Variants in GRIK2 observed in about 807,000 individuals in gnomAD.
GRIK2 encodes glutamate ionotropic receptor kainate type subunit 2, also known as glutamate receptor ionotropic, kainate 2.
In GRIK2, 32 loss-of-function variants were observed where a neutral mutation model predicts 100.3. The ratio of observed to expected loss-of-function variants is 0.32; its 90% CI spans 0.24 to 0.43. The LOEUF (loss-of-function observed/expected upper bound fraction) is 0.43, where lower values mean the gene tolerates loss of function less well. GRIK2 is among the 20% of genes least tolerant of loss of function. GRIK2 has a pLI of 1.00. For synonymous variants in GRIK2, 417 were observed against 389.4 expected (o/e 1.07, Z -0.83); for missense variants, 843 against 1,114.9 (o/e 0.76, Z 3.47).
At chr6:101,990,362 C>G (rs1479359618) in intron 14 of GRIK2, among the ~76,000 whole-genome samples, 1 of 151,572 alleles carries the variant, frequency 6.6e-6, no homozygotes, top group African/African-American at 2.4e-5. Context: ...ATTTAAAATG[C>G]CAGACCCAGT....
At chr6:101,499,389 T>C (rs1364221259) in intron 2 of GRIK2, among the ~76,000 whole-genome samples, 1 of 152,128 alleles carries the variant, frequency 6.6e-6, no homozygotes, top group Non-Finnish European at 1.5e-5. Context: ...GATATGTTAG[T>C]ACATTTTATA....
Position 101,742,955 on chromosome 6 carries a change from CAG to C in GRIK2, c.951+56603_951+56604del, listed in dbSNP as rs965517981. The stretch of plus-strand genomic sequence containing the variant: ...GGACGAAGTCCATTCACATGGTTGA[CAG>C]GGGGAGATTAGAATTTTATTTTTGG... On this transcript the variant is annotated intron_variant, in intron 7 of 16. Transcript: ENST00000369134. 3.7e-4 allele frequency among the ~76,000 whole-genome samples: 56 copies of C among 152,234 alleles called. 2 individuals carry two copies. The Middle Eastern group carries it at 0.037, about 102-fold the overall frequency.
chr6:101,948,314 CT>C (rs1009665289), intron 14 of GRIK2, among the ~76,000 whole-genome samples: 159 of 143,850 alleles, frequency 1.1e-3, no homozygotes, highest in Middle Eastern at 3.8e-3. Flanking sequence ...TTAGAACTGT[CT>C]TTTTTTTTTT....
In GRIK2 at chr6:101,799,249, A is replaced by G. The variant is rs139846820; in HGVS notation, c.952-399A>G. On this transcript the variant is annotated intron_variant, in intron 7 of 16. Coordinates refer to ENST00000369134, the MANE Select transcript of GRIK2 (RefSeq NM_021956.5). ...TTATATAGAATATGTAATTTATGTG[A>G]CCATTAAAAATGTTAGCAATGTACT... 7.7e-3 allele frequency among the ~76,000 whole-genome samples: 1,169 copies of G among 151,400 alleles called. 7 individuals are homozygous for G. The highest frequency in any genetic ancestry group is 9.8e-3 in the Non-Finnish European group (665 of 67,880).
At chr6:101,476,552 T>C (rs950149584) in intron 2 of GRIK2, among the ~76,000 whole-genome samples, 9 of 152,162 alleles carry the variant, frequency 5.9e-5, no homozygotes, top group African/African-American at 1.9e-4. Context: ...TTCCCATTTA[T>C]AAAATGTGAA....
At chr6:101,462,567 T>C (rs1356914078) in intron 2 of GRIK2, among the ~76,000 whole-genome samples, 6 of 152,156 alleles carry the variant, frequency 3.9e-5, no homozygotes, top group African/African-American at 1.4e-4. Context: ...TACAAGGACA[T>C]CTTAAAAATT....
chr6:101,524,376 A>G (rs570542998), intron 2 of GRIK2, among the ~76,000 whole-genome samples: 1 of 131,244 alleles, frequency 7.6e-6, no homozygotes, highest in Non-Finnish European at 1.5e-5. Context: ...AATATAGTCA[A>G]TGCCCCATTT....
chr6:101,402,199 G>C (rs1775348863), intron 2 of GRIK2, among the ~76,000 whole-genome samples: 1 of 151,932 alleles, frequency 6.6e-6, no homozygotes, highest in Non-Finnish European at 1.5e-5. Flanking sequence ...CCTCTTCCCC[G>C]CGCTTCCCTC....
chr6:101,858,513 A>T (rs1784557034), intron 10 of GRIK2, among the ~76,000 whole-genome samples: 1 of 150,250 alleles, frequency 6.7e-6, no homozygotes, highest in South Asian at 2.1e-4. Context: ...CAGCCTCCTG[A>T]ATAGCTGGGA....
chr6:101,491,300 A>T (rs1773097472), intron 2 of GRIK2, among the ~76,000 whole-genome samples: 1 of 151,482 alleles, frequency 6.6e-6, no homozygotes, highest in Admixed American at 6.6e-5. Flanking sequence ...CCAACCAAAC[A>T]AACAAAAGAA....
At chr6:101,668,101 A>T (rs1770164464) in intron 4 of GRIK2, among the ~76,000 whole-genome samples, 1 of 152,214 alleles carries the variant, frequency 6.6e-6, no homozygotes, top group South Asian at 2.1e-4. Context: ...TAGCATTCAG[A>T]CTTGAGTATG....
intron 2 of GRIK2, among the ~76,000 whole-genome samples, chr6:101,495,528 A>C (rs1050504123): frequency 6.6e-6 from 1 of 152,006 alleles, no homozygotes; most frequent in African/African-American, 2.4e-5. Context: ...TAAATAAATA[A>C]ATAAATAAGA....
chr6:101,967,193 A>G (rs891264718), intron 14 of GRIK2, among the ~76,000 whole-genome samples: 1 of 151,938 alleles, frequency 6.6e-6, no homozygotes, highest in African/African-American at 2.4e-5. Flanking sequence ...GATTAAATAG[A>G]CTTTTCATGA....
intron 12 of GRIK2, among the ~76,000 whole-genome samples, chr6:101,898,968 A>G (rs1438265289): frequency 6.6e-6 from 1 of 151,932 alleles, no homozygotes; most frequent in African/African-American, 2.4e-5. Context: ...TCATTAGAGC[A>G]TCTCACAACA....
intron 2 of GRIK2, among the ~76,000 whole-genome samples, chr6:101,445,262 C>T (rs1281620604): frequency 6.6e-6 from 1 of 152,070 alleles, no homozygotes; most frequent in Non-Finnish European, 1.5e-5. Flanking sequence ...TGGTTTCCAC[C>T]TCCTAAAAGC....
At chr6:101,719,927 A>G (rs1774356369) in intron 7 of GRIK2, among the ~76,000 whole-genome samples, 1 of 151,958 alleles carries the variant, frequency 6.6e-6, no homozygotes, top group Non-Finnish European at 1.5e-5. Context: ...TTTTCTTTCA[A>G]AAAGAAAGAG....
chr6:102,036,258 C>CATATATATAT (rs1321881420), intron 15 of GRIK2, among the ~76,000 whole-genome samples: 1 of 150,350 alleles, frequency 6.7e-6, no homozygotes, highest in African/African-American at 2.5e-5. Flanking sequence ...CACACACACA[C>CATATATATAT]ACATATATAT....
chr6:101,782,384 TA>T lies in GRIK2; in HGVS notation c.952-17263del, dbSNP rs202090639. On this transcript the variant is annotated intron_variant, in intron 7 of 16. Transcript: ENST00000369134. ...CTCAGGTTCCCTTCCAAGTTTTCAG[TA>T]GCTATCATTCTCCTCTCTACTTCCA... 1.1e-3 allele frequency among the ~76,000 whole-genome samples: 163 copies of T among 152,316 alleles called. 2 individuals are homozygous for T. The East Asian group carries it at 0.021, about 19-fold the overall frequency.
intron 15 of GRIK2, among the ~76,000 whole-genome samples, chr6:102,037,837 C>T (rs553785229): frequency 6.6e-6 from 1 of 151,388 alleles, no homozygotes; most frequent in East Asian, 2.0e-4. Context: ...GAAATGCATA[C>T]TGAACCCAGA....
Sources: allele counts gnomAD v4.1 joint callset (sites outside exome capture counted in the v4.1 genomes callset), GRCh38; gene constraint gnomAD v4.1.1; transcripts MANE v1.5; gene names NCBI Gene and HGNC (gene_info 2026-07-23, HGNC 2026-07-21).